The following SLC16A10 variants were observed in gnomAD, a reference collection of about 807,000 sequenced individuals.
The protein encoded by SLC16A10 is solute carrier family 16 member 10.
SLC16A10 carries 27 observed loss-of-function variants against 40.0 expected under a neutral mutation model. The ratio of observed to expected loss-of-function variants is 0.67; its 90% CI spans 0.50 to 0.93. The LOEUF (loss-of-function observed/expected upper bound fraction) is 0.93. SLC16A10 is among the 40% of genes least tolerant of loss of function. The pLI, the probability that SLC16A10 is intolerant of heterozygous loss-of-function variation, is 0.00. For missense variants in SLC16A10, 529 were observed against 658.2 expected, an observed-to-expected ratio of 0.80 and a Z score of 2.15; for synonymous variants, 213 against 249.8, an observed-to-expected ratio of 0.85 and a Z score of 1.39.
intron 1 of SLC16A10, among the ~76,000 whole-genome samples, chr6:111,121,844 A>G (rs748102007): frequency 2.6e-5 from 4 of 152,046 alleles, no homozygotes; most frequent in Non-Finnish European, 4.4e-5. Context: ...ATAATTTTAT[A>G]TTTCATCTTG....
chr6:111,100,952 TTCTCTCCCTCTCTCTCTCTCTC>T (rs1345808378), intron 1 of SLC16A10, among the ~76,000 whole-genome samples: 3 of 81,612 alleles, frequency 3.7e-5, no homozygotes, highest in South Asian at 5.4e-4. Flanking sequence ...CTCTCGCTCT[TTCTCTCCCTCTCTCTCTCTCTC>T]TCTCTCTCTC....
intron 1 of SLC16A10, among the ~76,000 whole-genome samples, chr6:111,132,388 T>TTATTG (rs1337427081): frequency 4.6e-5 from 7 of 152,252 alleles, no homozygotes; most frequent in Admixed American, 3.3e-4. Flanking sequence ...CAATACCACT[T>TTATTG]TATTGTCAGT....
chr6:111,117,905 G>T (rs948629437), intron 1 of SLC16A10, among the ~76,000 whole-genome samples: 3 of 152,170 alleles, frequency 2.0e-5, no homozygotes, highest in African/African-American at 7.2e-5. Context: ...TGCACTTTCT[G>T]TTATACTTCA....
At chr6:111,159,875 TC>T (rs1772339404) in intron 1 of SLC16A10, among the ~76,000 whole-genome samples, 1 of 152,180 alleles carries the variant, frequency 6.6e-6, no homozygotes, top group Non-Finnish European at 1.5e-5. Flanking sequence ...AATTGACAGT[TC>T]CCTGATGACT....
chr6:111,099,433 C>T (rs1367031262), intron 1 of SLC16A10, among the ~76,000 whole-genome samples: 1 of 152,108 alleles, frequency 6.6e-6, no homozygotes, highest in Non-Finnish European at 1.5e-5. Flanking sequence ...TTGCCTCAGC[C>T]TCCCGAGTAG....
intron 4 of SLC16A10, among the ~76,000 whole-genome samples, chr6:111,210,526 C>T (rs1169808627): frequency 4.6e-5 from 7 of 152,162 alleles, no homozygotes; most frequent in Non-Finnish European, 1.0e-4. Flanking sequence ...TTGAGTGCCT[C>T]CTGTGCCCCA....
In SLC16A10 at chr6:111,222,404, A is replaced by G. The variant is rs1360804035; in HGVS notation, c.*169A>G. 3 of 765,674 alleles carry G rather than the reference A, an allele frequency of 3.9e-6. No homozygotes were observed. Among genetic ancestry groups the G allele is most frequent in the South Asian group, 2.3e-5 (1 of 43,744 alleles). The allele number at this position is 765,674 out of a possible 1,614,324, so 47.4% of individuals were successfully genotyped here. On this transcript the variant is annotated 3_prime_UTR_variant, in exon 6 of 6. Coordinates refer to ENST00000368851, the MANE Select transcript of SLC16A10 (RefSeq NM_018593.5). ...TAGAAGAACCATTTTCTGCCACTAA[A>G]TATCTCTGATGTTTCCATGAGTCTG...
Position 111,216,472 on chromosome 6 carries a change from C to T in SLC16A10, c.1087-2342C>T, listed in dbSNP as rs563462234. On this transcript the variant is annotated intron_variant, in intron 4 of 5. Coordinates refer to ENST00000368851, the MANE Select transcript of SLC16A10 (RefSeq NM_018593.5). ...AGGCTGGAGTGCAGTGGGGCGATCT[C>T]GGCTCACTGCAAGCTCCGCCTGCTG... Among the ~76,000 whole-genome samples, 8 of 151,710 alleles carry T rather than the reference C, an allele frequency of 5.3e-5. No homozygotes were observed. In the South Asian group the frequency reaches 1.3e-3, roughly 24 times the overall value.
Position 111,113,211 on chromosome 6 carries a change from A to G in SLC16A10, c.343+25116A>G, listed in dbSNP as rs1771421267. 2.0e-5 allele frequency among the ~76,000 whole-genome samples: 3 copies of G among 152,320 alleles called. No individual in the cohort carries two copies. In the South Asian group the frequency reaches 6.2e-4, roughly 32 times the overall value. On this transcript the variant is annotated intron_variant, in intron 1 of 5. Coordinates refer to ENST00000368851, the MANE Select transcript of SLC16A10 (RefSeq NM_018593.5). Reference sequence around the variant, plus strand: ...TGTGTTAGCTAGAATTAGATAGAGTATTGCCATTTTTTTCAACTGGCTTAT... The same window carrying G: ...TGTGTTAGCTAGAATTAGATAGAGTGTTGCCATTTTTTTCAACTGGCTTAT...
rs1024495386 is a variant in SLC16A10 at position 111,226,725 on chromosome 6, A to G, written c.*4490A>G. 6.6e-6 allele frequency: 1 copy of G among 152,254 alleles called. No individual in the cohort carries two copies. The highest frequency in any genetic ancestry group is 2.4e-5 in the African/African-American group (1 of 41,478). 9.4% of individuals were successfully genotyped at this position (152,254 alleles called of 1,614,324 possible). A position where few individuals can be genotyped will look rare whatever the true frequency, so the allele number is the denominator to read the frequency against. On this transcript the variant is annotated 3_prime_UTR_variant, in exon 6 of 6. Coordinates refer to ENST00000368851, the MANE Select transcript of SLC16A10 (RefSeq NM_018593.5). ...CCATAACAATTTAATTAACTCTTAA[A>G]AAGACCAGCTTTTTGTCTTGTTATG...
intron 1 of SLC16A10, among the ~76,000 whole-genome samples, chr6:111,142,312 C>T (rs1039211851): frequency 6.6e-6 from 1 of 152,146 alleles, no homozygotes; most frequent in Admixed American, 6.5e-5. Flanking sequence ...TGGATGTCCA[C>T]ATGTAAAAAA....
At chr6:111,206,862 C>T in intron 4 of SLC16A10, 127 bp downstream of exon 4, 1 of 1,213,626 alleles carries the variant, frequency 8.2e-7, no homozygotes, top group South Asian at 1.6e-5. Context: ...GAGTTTCGCT[C>T]TTATTGCCCA....
chr6:111,150,019 A>C (rs901963573), intron 1 of SLC16A10, among the ~76,000 whole-genome samples: 2 of 152,222 alleles, frequency 1.3e-5, no homozygotes, highest in Admixed American at 6.5e-5. Context: ...ATTGCTGTTG[A>C]TATTAAGTGA....
At chr6:111,185,861 G>A (rs2114558594) in intron 3 of SLC16A10, among the ~76,000 whole-genome samples, 1 of 151,812 alleles carries the variant, frequency 6.6e-6, no homozygotes, top group African/African-American at 2.4e-5. Context: ...TAGTGTGTTG[G>A]AAAACTGTTC....
chr6:111,191,649 G>A (rs1354949803), intron 3 of SLC16A10, among the ~76,000 whole-genome samples: 6 of 152,262 alleles, frequency 3.9e-5, no homozygotes, highest in East Asian at 1.9e-4. Flanking sequence ...GTGTAAAAGC[G>A]TTTTTATTTC....
rs184758201 is a variant in SLC16A10 at position 111,099,900 on chromosome 6, G to T, written c.343+11805G>T. Among the ~76,000 whole-genome samples, 3 of 151,674 alleles carry T rather than the reference G, an allele frequency of 2.0e-5. No homozygotes were observed. In the East Asian group the frequency reaches 5.9e-4, roughly 30 times the overall value. ...TAGCTGGACGTGGTGGCAGGCACCT[G>T]TAGTCCCAGCTACTCAAAAGGCTGA... On this transcript the variant is annotated intron_variant, in intron 1 of 5. Coordinates refer to ENST00000368851, the MANE Select transcript of SLC16A10 (RefSeq NM_018593.5).
chr6:111,153,160 G>A lies in SLC16A10; in HGVS notation c.344-19535G>A, dbSNP rs373914590. Among the ~76,000 whole-genome samples, 8 of 152,098 alleles carry A rather than the reference G, an allele frequency of 5.3e-5. No homozygotes were observed. The East Asian group carries it at 9.6e-4, about 18-fold the overall frequency. On this transcript the variant is annotated intron_variant, in intron 1 of 5. Coordinates refer to ENST00000368851, the MANE Select transcript of SLC16A10 (RefSeq NM_018593.5). Reference sequence around the variant, plus strand: ...AGGGCATTTTAAATAGCTTTTTTGCGTCCTTATTCTGTTAAGCATTATTAA... The same window carrying A: ...AGGGCATTTTAAATAGCTTTTTTGCATCCTTATTCTGTTAAGCATTATTAA...
chr6:111,185,903 G>GT (rs66493230), intron 3 of SLC16A10, among the ~76,000 whole-genome samples: 8,002 of 144,440 alleles, frequency 0.055, 656 homozygotes, highest in African/African-American at 0.18. Context: ...TCACCAGTGG[G>GT]TTTTTTTTTT....
intron 1 of SLC16A10, among the ~76,000 whole-genome samples, chr6:111,104,165 G>A (rs1460609192): frequency 1.3e-5 from 2 of 152,322 alleles, no homozygotes; most frequent in South Asian, 2.1e-4. Context: ...AAATGCCAAG[G>A]TAAGCTTGGA....
Sources: allele counts gnomAD v4.1 joint callset (sites outside exome capture counted in the v4.1 genomes callset), GRCh38; gene constraint gnomAD v4.1.1; transcripts MANE v1.5; gene names NCBI Gene and HGNC (gene_info 2026-07-23, HGNC 2026-07-21).